The following VWC2 variants were observed in gnomAD, a reference collection of about 807,000 sequenced individuals.
VWC2 encodes von Willebrand factor C domain containing 2, also known as brorin.
VWC2 carries 14 observed loss-of-function variants against 29.8 expected under a neutral mutation model. That is an observed-to-expected ratio of 0.47 (90% CI 0.31 to 0.74). The LOEUF (loss-of-function observed/expected upper bound fraction) is 0.74, where lower values mean the gene tolerates loss of function less well. Among genes scored for constraint, VWC2 ranks in the 30% least tolerant of loss-of-function variants. The pLI is 0.05. For missense variants in VWC2, 457 were observed against 459.8 expected, an observed-to-expected ratio of 0.99 and a Z score of 0.05; for synonymous variants, 213 against 199.0, an observed-to-expected ratio of 1.07 and a Z score of -0.59.
intron 3 of VWC2, among the ~76,000 whole-genome samples, chr7:49,819,014 T>A (rs1789209854): frequency 6.6e-6 from 1 of 152,158 alleles, no homozygotes; most frequent in Admixed American, 6.5e-5. Context: ...AAACCCAAAC[T>A]TCGCTTATCT....
chr7:49,858,447 T>A (rs954493080), intron 3 of VWC2, among the ~76,000 whole-genome samples: 1 of 151,150 alleles, frequency 6.6e-6, no homozygotes, highest in Non-Finnish European at 1.5e-5. Flanking sequence ...CAGCAAACTA[T>A]CGCAAGGACA....
intron 3 of VWC2, among the ~76,000 whole-genome samples, chr7:49,835,338 A>T (rs1171732065): frequency 6.6e-6 from 1 of 152,218 alleles, no homozygotes; most frequent in Non-Finnish European, 1.5e-5. Flanking sequence ...CATTCCTCAG[A>T]TGAAGTTTCT....
At chr7:49,808,687 A>G (rs573234095) in intron 3 of VWC2, among the ~76,000 whole-genome samples, 2 of 152,180 alleles carry the variant, frequency 1.3e-5, no homozygotes, top group East Asian at 3.9e-4. Flanking sequence ...TTTGAACACA[A>G]CAGAATTTGA....
intron 3 of VWC2, among the ~76,000 whole-genome samples, chr7:49,891,624 A>G (rs937450780): frequency 5.3e-5 from 8 of 152,212 alleles, no homozygotes; most frequent in Admixed American, 4.6e-4. Context: ...AAAAAAAAAC[A>G]GCAATAATAC....
intron 3 of VWC2, among the ~76,000 whole-genome samples, chr7:49,865,728 A>T (rs1790856868): frequency 6.6e-6 from 1 of 152,220 alleles, no homozygotes. Context: ...GGGCAGACCC[A>T]AACACAGAGG....
At chr7:49,854,766 T>A (rs555378141) in intron 3 of VWC2, among the ~76,000 whole-genome samples, 114 of 152,360 alleles carry the variant, frequency 7.5e-4, no homozygotes, top group African/African-American at 2.6e-3. Flanking sequence ...GCTTTTGGTG[T>A]TTTAGACATG....
At chr7:49,878,858 C>T (rs977998118) in intron 3 of VWC2, among the ~76,000 whole-genome samples, 2 of 152,154 alleles carry the variant, frequency 1.3e-5, no homozygotes, top group African/African-American at 4.8e-5. Flanking sequence ...CCAGGCGTGG[C>T]TTTTTCCTGC....
intron 2 of VWC2, among the ~76,000 whole-genome samples, chr7:49,791,332 C>T (rs527863785): frequency 5.3e-5 from 8 of 152,310 alleles, no homozygotes; most frequent in East Asian, 1.9e-4. Flanking sequence ...TCCTGGGCTA[C>T]GCGGAGAGAC....
intron 3 of VWC2, among the ~76,000 whole-genome samples, chr7:49,854,894 C>T (rs990714941): frequency 6.6e-6 from 1 of 152,164 alleles, no homozygotes; most frequent in Non-Finnish European, 1.5e-5. Flanking sequence ...AACTATGAAG[C>T]TCAAAAAGGT....
intron 2 of VWC2, among the ~76,000 whole-genome samples, chr7:49,779,985 A>G (rs1329695389): frequency 6.6e-6 from 1 of 152,214 alleles, no homozygotes; most frequent in African/African-American, 2.4e-5. Flanking sequence ...AGACAGTCAT[A>G]TTCTTAGCTA....
chr7:49,799,988 T>C (rs1788701140), intron 2 of VWC2, among the ~76,000 whole-genome samples: 1 of 152,224 alleles, frequency 6.6e-6, no homozygotes. Context: ...ATGCAGTTCC[T>C]TTTTGACCCA....
chr7:49,868,960 T>A (rs915817218), intron 3 of VWC2, among the ~76,000 whole-genome samples: 1 of 152,242 alleles, frequency 6.6e-6, no homozygotes, highest in African/African-American at 2.4e-5. Flanking sequence ...GAAGTTTTCT[T>A]GTGTCAAATA....
chr7:49,786,910 C>G (rs572411925), intron 2 of VWC2, among the ~76,000 whole-genome samples: 1 of 152,162 alleles, frequency 6.6e-6, no homozygotes, highest in South Asian at 2.1e-4. Flanking sequence ...CAAATATTTT[C>G]TCCCATTCTG....
chr7:49,811,599 T>A lies in VWC2; in HGVS notation c.826+8759T>A, dbSNP rs192132724. ...CCCAGTCTTAGGATATTTAGCAGTA[T>A]GAGAACAGTCTAATGCAATACTACT... is the stretch of plus-strand genomic sequence containing the variant. On this transcript the variant is annotated intron_variant, in intron 3 of 3. Transcript: ENST00000340652. Among the ~76,000 whole-genome samples, 59 of 152,302 alleles carry A rather than the reference T, an allele frequency of 3.9e-4. No homozygotes were observed. The East Asian group carries it at 7.3e-3, about 19-fold the overall frequency.
rs1793749322 is a variant in VWC2, at chr7:49,916,817, G to A, written c.*4632G>A. 1 of 152,114 alleles carries A rather than the reference G, an allele frequency of 6.6e-6. No homozygotes were observed. 9.4% of individuals were successfully genotyped at this position (152,114 alleles called of 1,614,324 possible). Reference sequence around the variant, plus strand: ...CAACTTACAAGTATCAAATATCTAAGTCACAGAACCCAGAGACACATCAAA... The same window carrying A: ...CAACTTACAAGTATCAAATATCTAAATCACAGAACCCAGAGACACATCAAA... On this transcript the variant is annotated 3_prime_UTR_variant, in exon 4 of 4. Coordinates refer to ENST00000340652, the MANE Select transcript of VWC2 (RefSeq NM_198570.5).
intron 2 of VWC2, among the ~76,000 whole-genome samples, chr7:49,796,851 C>G (rs1246298928): frequency 6.6e-6 from 1 of 152,182 alleles, no homozygotes; most frequent in Non-Finnish European, 1.5e-5. Flanking sequence ...TCCTTAAATG[C>G]TACTCATATA....
intron 3 of VWC2, among the ~76,000 whole-genome samples, chr7:49,828,599 G>A (rs1009486431): frequency 6.6e-6 from 1 of 152,034 alleles, no homozygotes; most frequent in Non-Finnish European, 1.5e-5. Flanking sequence ...TGTTGAGCTG[G>A]GTCTGGGCTG....
intron 3 of VWC2, among the ~76,000 whole-genome samples, chr7:49,835,368 G>A (rs868718136): frequency 6.6e-6 from 1 of 152,162 alleles, no homozygotes; most frequent in Middle Eastern, 3.2e-3. Context: ...CAGTATTTAA[G>A]CTAGTGACAC....
rs1248510788 is a variant in VWC2, at chr7:49,917,713, A to T, written c.*5528A>T. ...GGTATCTAATTATATTAAGACCAACATATACATTAAAGTGTATTTAGATGA... is the reference window on the plus strand; with the variant it reads ...GGTATCTAATTATATTAAGACCAACTTATACATTAAAGTGTATTTAGATGA... On this transcript the variant is annotated 3_prime_UTR_variant, in exon 4 of 4. Transcript: ENST00000340652. 2 of 152,210 alleles carry T rather than the reference A, an allele frequency of 1.3e-5. No individual in the cohort carries two copies. Among genetic ancestry groups the T allele is most frequent in the East Asian group, 3.8e-4 (2 of 5,206 alleles). The allele number at this position is 152,210 out of a possible 1,614,324, so 9.4% of individuals were successfully genotyped here.
Sources: gnomAD v4.1 joint callset for allele counts (sites outside exome capture counted in the v4.1 genomes callset) on GRCh38, gnomAD v4.1.1 for gene constraint, MANE v1.5 for transcripts, NCBI Gene and HGNC (gene_info 2026-07-23, HGNC 2026-07-21) for gene names.